The following HERC2 variants were observed in gnomAD, a reference collection of about 807,000 sequenced individuals.
HERC2 encodes E3 ubiquitin-protein ligase HERC2.
In HERC2, 102 loss-of-function variants were observed where a neutral mutation model predicts 537.7. The ratio of observed to expected loss-of-function variants is 0.19; its 90% CI spans 0.16 to 0.22. The LOEUF is 0.22. Among genes scored for constraint, HERC2 ranks in the 10% least tolerant of loss-of-function variants. The pLI, the probability that HERC2 is intolerant of heterozygous loss-of-function variation, is 1.00. For missense variants in HERC2, 4,236 were observed against 6,198.2 expected (o/e 0.68, Z 10.63); for synonymous variants, 2,224 against 2,466.2 (o/e 0.90, Z 2.91).
rs539325726 is a variant in HERC2 at position 28,321,216 on chromosome 15, A to G, written c.72+146T>C. The G allele has an allele frequency of 1.0e-4, 65 of 648,176 alleles. 1 individual carries two copies. In the South Asian group the frequency reaches 1.0e-3, roughly 10 times the overall value. The allele number at this position is 648,176 out of a possible 1,614,324, so 40.2% of individuals were successfully genotyped here. On this transcript the variant is annotated intron_variant, in intron 2 of 92. Coordinates refer to ENST00000261609, the MANE Select transcript of HERC2 (RefSeq NM_004667.6). The stretch of plus-strand genomic sequence containing the variant: ...CAAAAACAGCCATAAAGACTGTTAC[A>G]TTTTAAGTTACAGGAAATAAACCTG...
At chr15:28,181,029 C>G (rs1030107241) in intron 57 of HERC2, among the ~76,000 whole-genome samples, 3 of 152,198 alleles carry the variant, frequency 2.0e-5, no homozygotes, top group African/African-American at 7.2e-5. Context: ...AAACACACAC[C>G]TGTAGACTAT....
chr15:28,154,815 TGCA>T (rs1287298534), intron 69 of HERC2, among the ~76,000 whole-genome samples: 1 of 152,168 alleles, frequency 6.6e-6, no homozygotes, highest in African/African-American at 2.4e-5. Flanking sequence ...GTGCACAACG[TGCA>T]GGTTTGTTAC....
chr15:28,178,865 C>T (rs774629585), intron 59 of HERC2, 22 bp downstream of exon 59: 1 of 1,608,652 alleles, frequency 6.2e-7, no homozygotes, highest in Non-Finnish European at 8.5e-7. Flanking sequence ...CCCGCACAGG[C>T]CTCCTGGTGC....
At position 28,113,380 on chromosome 15, in the gene HERC2, G is replaced by T; in HGVS notation, c.14020-97C>A. 1 of 1,356,424 alleles carries T rather than the reference G, an allele frequency of 7.4e-7. No homozygotes were observed. The highest frequency in any genetic ancestry group is 1.0e-6 in the Non-Finnish European group (1 of 967,580). The allele number at this position is 1,356,424 out of a possible 1,614,324, so 84.0% of individuals were successfully genotyped here. A position where few individuals can be genotyped will look rare whatever the true frequency, so the allele number is the denominator to read the frequency against. On this transcript the variant is annotated intron_variant, in intron 91 of 92. Coordinates refer to ENST00000261609, the MANE Select transcript of HERC2 (RefSeq NM_004667.6). This position sits in a 1 kb window ranked among gnomAD's most constrained non-coding sequence, Gnocchi z 7.0. ...CCCTCTCTACACCAAGGCCTGTTTGGGGTGGGGAAAGGTCTGGGGGCTCTG... is the reference window on the plus strand; with the variant it reads ...CCCTCTCTACACCAAGGCCTGTTTGTGGTGGGGAAAGGTCTGGGGGCTCTG...
intron 35 of HERC2, among the ~76,000 whole-genome samples, chr15:28,225,696 CAAAAAAA>C (rs35629645): frequency 1.7e-5 from 1 of 58,814 alleles, no homozygotes; most frequent in Admixed American, 1.8e-4. Context: ...GACTCCGTCT[CAAAAAAA>C]AAAAAAAAAA....
chr15:28,299,001 AT>A (rs1023159917), intron 3 of HERC2, among the ~76,000 whole-genome samples: 1 of 152,156 alleles, frequency 6.6e-6, no homozygotes, highest in African/African-American at 2.4e-5. Context: ...ACAAGCAGCC[AT>A]TTTTTTAAAC....
intron 44 of HERC2, among the ~76,000 whole-genome samples, chr15:28,210,212 T>C (rs987174213): frequency 1.3e-4 from 20 of 152,112 alleles, no homozygotes; most frequent in East Asian, 7.8e-4. Context: ...CGGCTCACTG[T>C]AAGCTCCGCC....
intron 86 of HERC2, among the ~76,000 whole-genome samples, chr15:28,119,738 GCCA>G (rs1888675498): frequency 6.6e-6 from 1 of 152,150 alleles, no homozygotes; most frequent in Non-Finnish European, 1.5e-5. Flanking sequence ...ACAGGCATGA[GCCA>G]CCACCAACGA....
intron 20 of HERC2, among the ~76,000 whole-genome samples, 181 bp from the exon 21 acceptor site, chr15:28,248,917 C>T (rs927545331): frequency 5.3e-5 from 8 of 152,184 alleles, no homozygotes; most frequent in East Asian, 3.9e-4. Flanking sequence ...TCAGCCAAAA[C>T]GGAGCAGAAG....
chr15:28,253,092 T>C (rs1176931924), intron 20 of HERC2, among the ~76,000 whole-genome samples: 1 of 152,242 alleles, frequency 6.6e-6, no homozygotes, highest in South Asian at 2.1e-4. Flanking sequence ...TTTTATTACA[T>C]AGAGGTACAA....
At chr15:28,181,719 A>G (rs781511610) in intron 57 of HERC2, among the ~76,000 whole-genome samples, 1 of 150,422 alleles carries the variant, frequency 6.6e-6, no homozygotes, top group East Asian at 1.9e-4. Context: ...TCTTACACCT[A>G]TTCTTTTCAA....
intron 2 of HERC2, 101 bp from the exon 3 acceptor site, chr15:28,299,617 C>A: frequency 3.2e-6 from 2 of 625,960 alleles, no homozygotes; most frequent in South Asian, 2.1e-5. Flanking sequence ...CTTATGTATT[C>A]GATCATTTGG....
intron 56 of HERC2, 58 bp downstream of exon 56, chr15:28,186,519 G>T: frequency 7.1e-7 from 1 of 1,403,792 alleles, no homozygotes; most frequent in Non-Finnish European, 9.9e-7. Context: ...CCTTTCGAAA[G>T]TGAGGATCCA....
At chr15:28,272,785 T>C (rs796979402) in intron 8 of HERC2, 109 bp downstream of exon 8, 1 of 693,562 alleles carries the variant, frequency 1.4e-6, no homozygotes, top group Non-Finnish European at 2.5e-6. Context: ...CCGTACAGAG[T>C]ACCACATCTG....
In HERC2 at chr15:28,117,040, G is replaced by A. The variant is rs1383499723; in HGVS notation, c.13387C>T (p.His4463Tyr). ...SFGPDSLLLP[H>Y]RVWKVKFVGE... ...ACAAACTTGACTTTCCAGACACGGT[G>A]AGGAAGGAGGAGGCTGTCGGGACCA... The change falls in exon 87 of 93, where the codon CAC (histidine) becomes TAC (tyrosine). Residue 4463 changes from histidine (H) to tyrosine (Y), a missense_variant. His to Tyr is a moderately conservative substitution (Grantham distance 83). Transcript: ENST00000261609. 1 of 1,614,186 alleles carries A rather than the reference G, an allele frequency of 6.2e-7. No individual in the cohort carries two copies. Among genetic ancestry groups the A allele is most frequent in the East Asian group, 2.2e-5 (1 of 44,880 alleles).
intron 2 of HERC2, among the ~76,000 whole-genome samples, chr15:28,310,061 T>C (rs1375285295): frequency 2.0e-5 from 3 of 152,282 alleles, no homozygotes; most frequent in African/African-American, 7.2e-5. Flanking sequence ...TCCCAGCACC[T>C]TGGAAGACTG....
chr15:28,283,224 A>C (rs2076071290), intron 4 of HERC2, among the ~76,000 whole-genome samples: 1 of 152,080 alleles, frequency 6.6e-6, no homozygotes, highest in Non-Finnish European at 1.5e-5. Context: ...AGCAAACCCT[A>C]AACAGGATGA....
intron 72 of HERC2, among the ~76,000 whole-genome samples, 153 bp downstream of exon 72, chr15:28,144,520 C>T (rs776342268): frequency 3.3e-5 from 5 of 152,200 alleles, no homozygotes; most frequent in Admixed American, 1.3e-4. Context: ...GTGTTCTGTT[C>T]CACGCCTCAG....
intron 78 of HERC2, among the ~76,000 whole-genome samples, chr15:28,138,435 T>C (rs866341556): frequency 2.6e-5 from 4 of 152,224 alleles, no homozygotes; most frequent in African/African-American, 9.6e-5. Context: ...TCAATGCTCA[T>C]TGACCATTCT....
Sources: gnomAD v4.1 joint callset for allele counts (sites outside exome capture counted in the v4.1 genomes callset) on GRCh38, gnomAD v4.1.1 for gene constraint, Gnocchi (gnomAD v3.1) non-coding constraint, MANE v1.5 for transcripts, NCBI Gene and HGNC (gene_info 2026-07-23, HGNC 2026-07-21) for gene names.